The following LRRC49 variants were observed in gnomAD, a reference collection of about 807,000 sequenced individuals.
LRRC49 encodes the protein leucine-rich repeat-containing protein 49.
LRRC49 carries 50 observed loss-of-function variants against 83.3 expected under a neutral mutation model. The observed-to-expected ratio is 0.60, with a 90% confidence interval of 0.48 to 0.76. The LOEUF (loss-of-function observed/expected upper bound fraction) is 0.76. Among genes scored for constraint, LRRC49 ranks in the 30% least tolerant of loss-of-function variants. LRRC49 has a pLI of 0.00. For synonymous variants in LRRC49, 286 were observed against 283.3 expected (o/e 1.01, Z -0.10); for missense variants, 704 against 809.1 (o/e 0.87, Z 1.58).
At chr15:70,980,409 A>G (rs1433034474) in intron 10 of LRRC49, among the ~76,000 whole-genome samples, 1 of 152,216 alleles carries the variant, frequency 6.6e-6, no homozygotes, top group Non-Finnish European at 1.5e-5. Flanking sequence ...TGCAAAGGCT[A>G]GTTTTAAAAG....
intron 7 of LRRC49, among the ~76,000 whole-genome samples, chr15:70,934,941 G>A (rs993484217): frequency 5.9e-5 from 9 of 152,268 alleles, no homozygotes; most frequent in African/African-American, 2.2e-4. Flanking sequence ...CATGTTTCTA[G>A]AGACCAGATA....
intron 9 of LRRC49, among the ~76,000 whole-genome samples, chr15:70,970,015 T>G (rs1380450137): frequency 6.6e-6 from 1 of 152,176 alleles, no homozygotes; most frequent in African/African-American, 2.4e-5. Context: ...AATACTATGT[T>G]GAATAGGAGT....
At chr15:70,958,287 A>G (rs2036475153) in intron 8 of LRRC49, among the ~76,000 whole-genome samples, 1 of 151,790 alleles carries the variant, frequency 6.6e-6, no homozygotes, top group African/African-American at 2.4e-5. Context: ...TTAATTTGTG[A>G]TTTTTCTAAA....
At chr15:70,898,459 A>G in intron 3 of LRRC49, 1 of 700,014 alleles carries the variant, frequency 1.4e-6, no homozygotes, top group Non-Finnish European at 2.6e-6. Flanking sequence ...ATATCTGGTA[A>G]GTTAAATAGT....
chr15:70,986,302 T>TATTTC (rs1422699919), intron 11 of LRRC49, among the ~76,000 whole-genome samples: 1 of 152,126 alleles, frequency 6.6e-6, no homozygotes, highest in Non-Finnish European at 1.5e-5. Context: ...TATCCTCTTT[T>TATTTC]ATTTCATTGA....
intron 9 of LRRC49, among the ~76,000 whole-genome samples, chr15:70,967,697 G>A (rs1233611859): frequency 1.3e-5 from 2 of 152,028 alleles, no homozygotes; most frequent in Non-Finnish European, 2.9e-5. Context: ...AGGCTTTGGG[G>A]CCTGCATATT....
chr15:70,916,841 C>T (rs910593760), intron 6 of LRRC49, among the ~76,000 whole-genome samples: 4 of 152,172 alleles, frequency 2.6e-5, no homozygotes, highest in South Asian at 2.1e-4. Flanking sequence ...GCAGGAGCCC[C>T]GCCCTCCTGG....
intron 8 of LRRC49, among the ~76,000 whole-genome samples, chr15:70,952,874 T>A (rs2036269736): frequency 6.6e-6 from 1 of 152,216 alleles, no homozygotes; most frequent in South Asian, 2.1e-4. Context: ...TTGAGCCCTT[T>A]ATCATTATGT....
chr15:70,987,091 A>G (rs548196753), intron 11 of LRRC49, among the ~76,000 whole-genome samples: 2 of 152,238 alleles, frequency 1.3e-5, no homozygotes, highest in Admixed American at 1.3e-4. Flanking sequence ...TTGGTCTAAA[A>G]TTCTCTTTTT....
chr15:70,914,051 CTTCCAGT>C (rs1484144134), intron 6 of LRRC49, among the ~76,000 whole-genome samples: 6 of 151,474 alleles, frequency 4.0e-5, no homozygotes, highest in Admixed American at 6.6e-5. Flanking sequence ...TCTCAAGGTT[CTTCCAGT>C]TATAGAACCT....
intron 8 of LRRC49, among the ~76,000 whole-genome samples, chr15:70,946,486 T>A (rs1034642224): frequency 2.6e-5 from 4 of 152,150 alleles, no homozygotes; most frequent in Non-Finnish European, 5.9e-5. Flanking sequence ...CTTTATCCAT[T>A]CATTATTTAA....
chr15:71,012,127 T>G (rs1325839641), intron 13 of LRRC49, among the ~76,000 whole-genome samples: 2 of 152,072 alleles, frequency 1.3e-5, no homozygotes, highest in Non-Finnish European at 2.9e-5. Context: ...GAATTATATA[T>G]AGACAAAAAA....
chr15:71,009,998 C>T lies in LRRC49; in HGVS notation c.1593+6C>T. 6.5e-7 allele frequency: 1 copy of T among 1,529,758 alleles called. No homozygotes were observed. The highest frequency in any genetic ancestry group is 1.3e-5 in the South Asian group (1 of 78,074). The allele number at this position is 1,529,758 out of a possible 1,614,324, so 94.8% of individuals were successfully genotyped here. ...AGAAAATAAATGGAACAGAGGTAAGCTAAAAACTAGATGAACTATAGAATA... is the reference window on the plus strand; with the variant it reads ...AGAAAATAAATGGAACAGAGGTAAGTTAAAAACTAGATGAACTATAGAATA... On this transcript the variant is annotated splice_donor_region_variant and intron_variant, in intron 13 of 15. Transcript: ENST00000260382.
At position 70,892,863 on chromosome 15, in the gene LRRC49, G is replaced by C. The variant is rs758285859; in HGVS notation, c.-32G>C. ...CCGCTGTAGCGTCACCTGGAAGGCA[G>C]ATCTAACAGAGAACCTGGACTGTCT... On this transcript the variant is annotated 5_prime_UTR_variant, in exon 1 of 16. Coordinates refer to ENST00000260382, the MANE Select transcript of LRRC49 (RefSeq NM_017691.5). 1.2e-6 allele frequency: 2 copies of C among 1,614,084 alleles called. No individual in the cohort carries two copies. Among genetic ancestry groups the C allele is most frequent in the Non-Finnish European group, 1.7e-6 (2 of 1,180,038 alleles).
intron 1 of LRRC49, chr15:70,872,802 A>G (rs2033076851): frequency 4.9e-6 from 1 of 202,648 alleles, no homozygotes; most frequent in Non-Finnish European, 1.0e-5. Context: ...CCTAGAGAGA[A>G]AGAGGACGTT....
rs1345870119 is a variant in LRRC49 at position 70,984,262 on chromosome 15, G to C, written c.1169+5G>C. 1.3e-6 allele frequency: 2 copies of C among 1,592,472 alleles called. No homozygotes were observed. Among genetic ancestry groups the C allele is most frequent in the Non-Finnish European group, 1.7e-6 (2 of 1,169,990 alleles). On this transcript the variant is annotated splice_donor_5th_base_variant and intron_variant, in intron 11 of 15. Coordinates refer to ENST00000260382, the MANE Select transcript of LRRC49 (RefSeq NM_017691.5). ...TGCATTCCCAGAGGAAACAGGGTAT[G>C]CAATGGTATTTTTTCAAGATACAAG... is the stretch of plus-strand genomic sequence containing the variant.
At chr15:70,960,987 A>G (rs1040428865) in intron 8 of LRRC49, among the ~76,000 whole-genome samples, 1 of 152,218 alleles carries the variant, frequency 6.6e-6, no homozygotes, top group Non-Finnish European at 1.5e-5. Context: ...TAAGAGAAGG[A>G]AAAGACAAGC....
chr15:70,922,898 A>G (rs1044678342), intron 7 of LRRC49, among the ~76,000 whole-genome samples: 5 of 152,052 alleles, frequency 3.3e-5, no homozygotes, highest in Admixed American at 6.6e-5. Flanking sequence ...CCAAAATAAT[A>G]GGAACTAATA....
At chr15:71,030,514 G>A (rs988198702) in intron 14 of LRRC49, among the ~76,000 whole-genome samples, 1 of 152,116 alleles carries the variant, frequency 6.6e-6, no homozygotes, top group African/African-American at 2.4e-5. Flanking sequence ...TCTTCTTGAG[G>A]AGTATCTTAG....
Sources: allele counts gnomAD v4.1 joint callset (sites outside exome capture counted in the v4.1 genomes callset), GRCh38; gene constraint gnomAD v4.1.1; transcripts MANE v1.5; gene names NCBI Gene and HGNC (gene_info 2026-07-23, HGNC 2026-07-21).